The following OSTN variants were observed in gnomAD, a reference collection of about 807,000 sequenced individuals.
OSTN encodes the protein osteocrin.
A neutral mutation model predicts 12.0 loss-of-function variants in OSTN; 9 were observed. The ratio of observed to expected loss-of-function variants is 0.75; its 90% CI spans 0.45 to 1.30. OSTN has a LOEUF of 1.30. OSTN is among the 50% of genes most tolerant of loss of function. The probability of loss-of-function intolerance (pLI) is 0.00; values close to 1 mark genes in which losing one functional copy is unlikely to be tolerated. For synonymous variants in OSTN, 59 were observed against 56.9 expected, an observed-to-expected ratio of 1.04 and a Z score of -0.16; for missense variants, 148 against 152.3, an observed-to-expected ratio of 0.97 and a Z score of 0.15.
chr3:191,259,244 G>T (rs533960471), intron 4 of OSTN, among the ~76,000 whole-genome samples: 1 of 151,228 alleles, frequency 6.6e-6, no homozygotes, highest in Non-Finnish European at 1.5e-5. Context: ...GCCCAGACTG[G>T]AATGCAGTAG....
chr3:191,214,402 C>G (rs1244306859), intron 2 of OSTN, among the ~76,000 whole-genome samples: 3 of 133,050 alleles, frequency 2.3e-5, no homozygotes. Context: ...GAGCCAAGAT[C>G]GCACCAGCCT....
At chr3:191,250,893 T>A (rs1487429013) in intron 4 of OSTN, among the ~76,000 whole-genome samples, 1 of 152,150 alleles carries the variant, frequency 6.6e-6, no homozygotes, top group Non-Finnish European at 1.5e-5. Context: ...ACTATCACTA[T>A]CTCCAATATC....
At chr3:191,262,483 CAGAA>C (rs1011518386) in intron 4 of OSTN, among the ~76,000 whole-genome samples, 1 of 152,112 alleles carries the variant, frequency 6.6e-6, no homozygotes, top group Non-Finnish European at 1.5e-5. Context: ...TTATAATAAA[CAGAA>C]AGTAGTATTC....
intron 1 of OSTN, among the ~76,000 whole-genome samples, chr3:191,205,822 T>C (rs1714260355): frequency 1.3e-5 from 2 of 152,096 alleles, no homozygotes; most frequent in South Asian, 4.1e-4. Flanking sequence ...ACAATTTTTG[T>C]TTTGAAAGGG....
chr3:191,259,936 C>T (rs963601772), intron 4 of OSTN, among the ~76,000 whole-genome samples: 2 of 148,790 alleles, frequency 1.3e-5, no homozygotes, highest in Admixed American at 6.7e-5. Flanking sequence ...CTTACTGCAA[C>T]CTCCACCTCC....
chr3:191,217,953 T>C (rs1714665202), intron 2 of OSTN, among the ~76,000 whole-genome samples: 1 of 152,002 alleles, frequency 6.6e-6, no homozygotes, highest in African/African-American at 2.4e-5. Context: ...TTAATAAATA[T>C]TCATCAGAAA....
intron 4 of OSTN, among the ~76,000 whole-genome samples, chr3:191,256,537 A>T (rs558015587): frequency 3.3e-5 from 5 of 152,076 alleles, no homozygotes; most frequent in African/African-American, 1.2e-4. Context: ...TTCAAAAAGC[A>T]TAGAGAGAAG....
intron 1 of OSTN, among the ~76,000 whole-genome samples, chr3:191,208,312 T>G (rs1332455144): frequency 6.6e-6 from 1 of 152,200 alleles, no homozygotes; most frequent in East Asian, 1.9e-4. Context: ...GAACTTAGAC[T>G]TTTCCTTTCC....
intron 1 of OSTN, among the ~76,000 whole-genome samples, chr3:191,203,537 G>C (rs575876011): frequency 6.6e-6 from 1 of 152,300 alleles, no homozygotes; most frequent in African/African-American, 2.4e-5. Context: ...CTAAAAAAGA[G>C]TGAAAATGGT....
intron 3 of OSTN, among the ~76,000 whole-genome samples, chr3:191,229,316 G>C (rs1319442728): frequency 1.3e-5 from 2 of 152,138 alleles, no homozygotes; most frequent in African/African-American, 4.8e-5. Context: ...AGAGACAATT[G>C]TGAATGTGAA....
intron 4 of OSTN, among the ~76,000 whole-genome samples, chr3:191,261,009 G>C (rs888371450): frequency 4.6e-5 from 7 of 152,194 alleles, no homozygotes; most frequent in South Asian, 4.1e-4. Flanking sequence ...CCATTCACCT[G>C]ATCAGATTAC....
At chr3:191,246,604 C>CAAA (rs34157872) in intron 3 of OSTN, among the ~76,000 whole-genome samples, 38,250 of 106,348 alleles carry the variant, frequency 0.36, 6,512 homozygotes, top group Middle Eastern at 0.58. Flanking sequence ...GACCCTGTAT[C>CAAA]AAAAAAAAAA....
chr3:191,238,173 G>A (rs1715239350), intron 3 of OSTN, among the ~76,000 whole-genome samples: 1 of 152,068 alleles, frequency 6.6e-6, no homozygotes, highest in Admixed American at 6.6e-5. Context: ...CACAAAAAAG[G>A]GATACAGTGT....
At chr3:191,249,315 T>G (rs1032066517) in intron 3 of OSTN, among the ~76,000 whole-genome samples, 11 of 152,194 alleles carry the variant, frequency 7.2e-5, no homozygotes, top group Non-Finnish European at 1.3e-4. Context: ...GATGATAATA[T>G]TAGCAAATCA....
At chr3:191,208,017 T>A (rs1337639120) in intron 1 of OSTN, among the ~76,000 whole-genome samples, 1 of 152,190 alleles carries the variant, frequency 6.6e-6, no homozygotes, top group Non-Finnish European at 1.5e-5. Context: ...AGTCCAATTG[T>A]CTAAAAAATG....
chr3:191,256,241 A>G (rs998849409), intron 4 of OSTN, among the ~76,000 whole-genome samples: 3 of 152,170 alleles, frequency 2.0e-5, no homozygotes, highest in Admixed American at 6.5e-5. Context: ...CATCTTAATA[A>G]CACACTTATA....
intron 3 of OSTN, among the ~76,000 whole-genome samples, chr3:191,230,541 T>C (rs1025543902): frequency 9.0e-5 from 11 of 122,204 alleles, no homozygotes; most frequent in African/African-American, 3.6e-4. Context: ...TCCAGTCTGG[T>C]GCCAGAGCAA....
intron 3 of OSTN, chr3:191,234,710 A>T (rs2108543410): frequency 6.6e-6 from 1 of 151,568 alleles, no homozygotes; most frequent in Non-Finnish European, 1.5e-5. Flanking sequence ...AAAAAAAAAA[A>T]AAAAGCAAAG....
chr3:191,247,431 G>C (rs1239771498), intron 3 of OSTN, among the ~76,000 whole-genome samples: 1 of 152,058 alleles, frequency 6.6e-6, no homozygotes, highest in African/African-American at 2.4e-5. Context: ...GTAAGGATAA[G>C]GATTAAATAC....
Sources: allele counts gnomAD v4.1 joint callset (sites outside exome capture counted in the v4.1 genomes callset), GRCh38; gene constraint gnomAD v4.1.1; transcripts MANE v1.5; gene names NCBI Gene and HGNC (gene_info 2026-07-23, HGNC 2026-07-21).